The following BCLAF3 variants were observed in gnomAD, a reference collection of about 807,000 sequenced individuals.
The protein encoded by BCLAF3 is transient octamer binding factor 1.
BCLAF3 carries 24 observed loss-of-function variants against 51.2 expected under a neutral mutation model. That is an observed-to-expected ratio of 0.47 (90% CI 0.34 to 0.66). The LOEUF (loss-of-function observed/expected upper bound fraction) is 0.66. Among genes scored for constraint, BCLAF3 ranks in the 30% least tolerant of loss-of-function variants. The pLI, the probability that BCLAF3 is intolerant of heterozygous loss-of-function variation, is 0.01. For synonymous variants in BCLAF3, 152 were observed against 176.6 expected (o/e 0.86, Z 1.10); for missense variants, 465 against 525.1 (o/e 0.89, Z 1.12).
chrX:19,955,338 G>A, intron 5 of BCLAF3, 53 bp downstream of exon 5: 8 of 953,235 alleles, frequency 8.4e-6, no homozygotes, highest in Non-Finnish European at 1.1e-5. Flanking sequence ...TGTATCTCGT[G>A]AATAGTATAT....
chrX:19,960,351 G>T (rs2071809507), intron 4 of BCLAF3, among the ~76,000 whole-genome samples: 1 of 110,460 alleles, frequency 9.1e-6, no homozygotes, highest in Non-Finnish European at 1.9e-5. Flanking sequence ...GTCCCAAAAG[G>T]TTACAGCCAA....
chrX:19,961,388 G>T (rs2071853876), intron 4 of BCLAF3, among the ~76,000 whole-genome samples: 1 of 111,722 alleles, frequency 9.0e-6, no homozygotes, highest in Non-Finnish European at 1.9e-5. Context: ...ATACAAACTA[G>T]AATCTAAAAA....
chrX:19,964,039 G>C (rs1313918976), intron 4 of BCLAF3, among the ~76,000 whole-genome samples: 2 of 111,370 alleles, frequency 1.8e-5, no homozygotes, highest in Non-Finnish European at 3.8e-5. Flanking sequence ...AAAAGAAAAA[G>C]GAACAAAAAA....
At chrX:19,941,136 A>G (rs1248998732) in intron 8 of BCLAF3, among the ~76,000 whole-genome samples, 3 of 108,390 alleles carry the variant, frequency 2.8e-5, no homozygotes, top group African/African-American at 1.0e-4. Context: ...TTTTCTTGTA[A>G]ATTTGTTTGA....
At chrX:19,947,151 G>T (rs2071337674) in intron 8 of BCLAF3, among the ~76,000 whole-genome samples, 1 of 112,233 alleles carries the variant, frequency 8.9e-6, no homozygotes, top group South Asian at 3.7e-4. Flanking sequence ...CTCTACTTCA[G>T]TATAGATTAT....
chrX:19,986,450 G>A (rs2072803809), intron 1 of BCLAF3, among the ~76,000 whole-genome samples: 1 of 112,080 alleles, frequency 8.9e-6, no homozygotes, highest in African/African-American at 3.2e-5. Context: ...GCACAAGAAG[G>A]ATCAAGCCTG....
chrX:19,953,565 G>A (rs1041429458), intron 6 of BCLAF3, among the ~76,000 whole-genome samples: 1 of 112,012 alleles, frequency 8.9e-6, no homozygotes, highest in Non-Finnish European at 1.9e-5. Flanking sequence ...TTTAAACAAC[G>A]CTAGTCAATG....
intron 1 of BCLAF3, 30 bp from the exon 2 acceptor site, chrX:19,970,328 G>A: frequency 8.6e-7 from 1 of 1,166,641 alleles, no homozygotes; most frequent in South Asian, 1.8e-5. Context: ...TAGCAGGTTT[G>A]TAGAAAGACC....
chrX:19,923,845 A>AT (rs561594796), intron 11 of BCLAF3, among the ~76,000 whole-genome samples: 513 of 90,087 alleles, frequency 5.7e-3, no homozygotes, highest in East Asian at 0.015. Flanking sequence ...TTATTTATTT[A>AT]TTTTTTTTTT....
In BCLAF3 at chrX:19,917,099, T is replaced by C; in HGVS notation, c.*206A>G. ...GACTTTTTGCAAAGGAAACTGTAGT[T>C]AATACAACTTTTAAATTGAATACTG... On this transcript the variant is annotated 3_prime_UTR_variant, in exon 12 of 12. Transcript: ENST00000379682. The C allele has an allele frequency of 2.3e-6, 1 of 431,258 alleles. No homozygotes were observed. Among genetic ancestry groups the C allele is most frequent in the African/African-American group, 2.5e-5 (1 of 39,474 alleles). 35.5% of individuals were successfully genotyped at this position (431,258 alleles called of 1,213,427 possible).
rs1272028823 is a variant in BCLAF3, at chrX:19,990,968, CCGCCGG to C, written c.-101_-96del. Among the ~76,000 whole-genome samples the C allele has an allele frequency of 3.5e-5, 3 of 84,902 alleles. No individual in the cohort carries two copies. Among genetic ancestry groups the C allele is most frequent in the Admixed American group, 2.6e-4 (2 of 7,602 alleles). 73.7% of individuals were successfully genotyped at this position (84,902 alleles called of 115,157 possible). A position where few individuals can be genotyped will look rare whatever the true frequency, so the allele number is the denominator to read the frequency against. On this transcript the variant is annotated 5_prime_UTR_variant, in exon 1 of 12. Transcript: ENST00000379682. ...GCCGCCGCCGCCGCCGCCGCCGCCG[CCGCCGG>C]CCCCTCGGGCCTCGCCCCTCACTCT...
intron 1 of BCLAF3, among the ~76,000 whole-genome samples, chrX:19,978,330 G>A (rs2072496116): frequency 8.9e-6 from 1 of 112,049 alleles, no homozygotes; most frequent in Non-Finnish European, 1.9e-5. Context: ...ACTCATGGGA[G>A]GAGGTCAAAA....
intron 1 of BCLAF3, among the ~76,000 whole-genome samples, chrX:19,979,193 T>C (rs2072531834): frequency 9.1e-6 from 1 of 110,220 alleles, no homozygotes; most frequent in South Asian, 3.9e-4. Flanking sequence ...CCCCAGAAGG[T>C]GGAGGTTCCA....
intron 1 of BCLAF3, among the ~76,000 whole-genome samples, chrX:19,981,215 CA>C (rs1449807751): frequency 1.8e-5 from 2 of 111,155 alleles, no homozygotes; most frequent in Admixed American, 1.9e-4. Context: ...AAAATTAACT[CA>C]AAATGGATTA....
intron 10 of BCLAF3, among the ~76,000 whole-genome samples, chrX:19,930,836 T>C (rs2070524477): frequency 9.0e-6 from 1 of 111,724 alleles, no homozygotes; most frequent in Non-Finnish European, 1.9e-5. Flanking sequence ...TGAGACCCTG[T>C]CTCTACAAAA....
chrX:19,989,888 A>C (rs945049792), intron 1 of BCLAF3, among the ~76,000 whole-genome samples: 1 of 111,469 alleles, frequency 9.0e-6, no homozygotes, highest in Admixed American at 9.6e-5. Context: ...TGACTGAAAC[A>C]GCTGTGATTT....
chrX:19,953,200 G>T, intron 6 of BCLAF3, 149 bp from the exon 7 acceptor site: 1 of 440,285 alleles, frequency 2.3e-6, no homozygotes, highest in Non-Finnish European at 3.9e-6. Context: ...TCACCTATAT[G>T]GCAGTCTCCC....
intron 1 of BCLAF3, among the ~76,000 whole-genome samples, chrX:19,972,033 C>T (rs5955871): frequency 0.3 from 33,518 of 111,274 alleles, 5,744 homozygotes; most frequent in African/African-American, 0.66. Context: ...AACTAGATCA[C>T]TCATTAAAGG....
At chrX:19,970,358 A>G in intron 1 of BCLAF3, 60 bp from the exon 2 acceptor site, 1 of 1,034,880 alleles carries the variant, frequency 9.7e-7, no homozygotes, top group Non-Finnish European at 1.3e-6. Context: ...GATCTAAAAC[A>G]TAGCGAATGC....
Sources: gnomAD v4.1 joint callset for allele counts (sites outside exome capture counted in the v4.1 genomes callset) on GRCh38, gnomAD v4.1.1 for gene constraint, MANE v1.5 for transcripts, NCBI Gene and HGNC (gene_info 2026-07-23, HGNC 2026-07-21) for gene names.